Variants in ZBTB7C observed in about 807,000 individuals in gnomAD.
ZBTB7C encodes zinc finger and BTB domain containing 7C.
ZBTB7C carries 8 observed loss-of-function variants against 25.7 expected under a neutral mutation model. The observed-to-expected ratio is 0.31, with a 90% confidence interval of 0.18 to 0.56. The LOEUF (loss-of-function observed/expected upper bound fraction) is 0.56, where lower values mean the gene tolerates loss of function less well. ZBTB7C is among the 20% of genes least tolerant of loss of function. ZBTB7C has a pLI of 0.91. For missense variants in ZBTB7C, 824 were observed against 855.2 expected (o/e 0.96, Z 0.46); for synonymous variants, 394 against 369.0 (o/e 1.07, Z -0.78).
chr18:48,255,972 G>A (rs1002936061), intron 2 of ZBTB7C, among the ~76,000 whole-genome samples: 1 of 152,070 alleles, frequency 6.6e-6, no homozygotes, highest in Non-Finnish European at 1.5e-5. Context: ...AGAGAAAAAA[G>A]AATTGTAAAA....
chr18:48,035,343 G>A lies in ZBTB7C; in HGVS notation c.1208+4557C>T, dbSNP rs8089526. ...TGGGCCAGTCTGTTTTCATTTTGCA[G>A]TTTCTTGCCTTCACTACTGTCCCCA... On this transcript the variant is annotated intron_variant, in intron 4 of 4. Coordinates refer to ENST00000590800, the MANE Select transcript of ZBTB7C (RefSeq NM_001318841.2). Among the ~76,000 whole-genome samples the A allele has an allele frequency of 1.1e-3, 161 of 152,344 alleles. 1 individual carries two copies. Among genetic ancestry groups the A allele is most frequent in the African/African-American group, 3.6e-3 (150 of 41,572 alleles).
At chr18:48,189,645 C>T (rs746021047) in intron 2 of ZBTB7C, among the ~76,000 whole-genome samples, 2 of 152,182 alleles carry the variant, frequency 1.3e-5, no homozygotes, top group South Asian at 2.1e-4. Flanking sequence ...AGGTGCCCCT[C>T]GCCTTGGATA....
intron 3 of ZBTB7C, among the ~76,000 whole-genome samples, chr18:48,167,169 C>T (rs2041278167): frequency 6.6e-6 from 1 of 152,184 alleles, no homozygotes; most frequent in African/African-American, 2.4e-5. Flanking sequence ...GGGTTCCCGC[C>T]CACTCCTGAA....
At chr18:48,144,331 A>G (rs2040438484) in intron 3 of ZBTB7C, among the ~76,000 whole-genome samples, 1 of 152,132 alleles carries the variant, frequency 6.6e-6, no homozygotes, top group Admixed American at 6.5e-5. Flanking sequence ...ACAACTACAT[A>G]AACAAAACAT....
chr18:48,061,685 T>C (rs2037131925), intron 3 of ZBTB7C, among the ~76,000 whole-genome samples: 1 of 152,198 alleles, frequency 6.6e-6, no homozygotes, highest in Admixed American at 6.5e-5. Context: ...CCATGACATA[T>C]TTTCAGCTCC....
At chr18:48,367,202 T>TATATATATATACACACAC (rs1302394192) in intron 1 of ZBTB7C, among the ~76,000 whole-genome samples, 24 of 63,384 alleles carry the variant, frequency 3.8e-4, no homozygotes, top group Non-Finnish European at 6.3e-4. Flanking sequence ...TATATATATA[T>TATATATATATACACACAC]ACACACACAC....
chr18:48,284,209 C>T (rs944373208), intron 2 of ZBTB7C, among the ~76,000 whole-genome samples: 1 of 152,338 alleles, frequency 6.6e-6, no homozygotes, highest in East Asian at 1.9e-4. Flanking sequence ...TAATCCAGCA[C>T]TCTGGGAGGC....
At chr18:48,179,658 A>C (rs2041816962) in intron 3 of ZBTB7C, among the ~76,000 whole-genome samples, 1 of 149,510 alleles carries the variant, frequency 6.7e-6, no homozygotes, top group African/African-American at 2.5e-5. Context: ...TCGACTGCAA[A>C]GAAGATATTT....
intron 2 of ZBTB7C, among the ~76,000 whole-genome samples, chr18:48,235,182 G>A (rs1374834306): frequency 1.3e-5 from 2 of 152,006 alleles, no homozygotes; most frequent in Non-Finnish European, 2.9e-5. Context: ...GACTAATAGA[G>A]ATATACATTT....
At chr18:48,297,407 C>T (rs2045426139) in intron 2 of ZBTB7C, among the ~76,000 whole-genome samples, 1 of 152,160 alleles carries the variant, frequency 6.6e-6, no homozygotes, top group Admixed American at 6.5e-5. Context: ...TCTGGTCCCA[C>T]TCCCCACTGC....
chr18:48,215,356 C>T (rs745771011), intron 2 of ZBTB7C, among the ~76,000 whole-genome samples: 5 of 152,166 alleles, frequency 3.3e-5, no homozygotes, highest in Non-Finnish European at 5.9e-5. Context: ...CATGACACAG[C>T]CTCAGGAGGT....
chr18:48,333,501 G>A (rs1336380268), intron 2 of ZBTB7C, among the ~76,000 whole-genome samples: 1 of 152,118 alleles, frequency 6.6e-6, no homozygotes, highest in African/African-American at 2.4e-5. Flanking sequence ...AAGGTCTGGG[G>A]AACTTAAAAG....
chr18:48,357,777 G>A (rs1165010490), intron 1 of ZBTB7C, among the ~76,000 whole-genome samples: 1 of 152,194 alleles, frequency 6.6e-6, no homozygotes, highest in African/African-American at 2.4e-5. Flanking sequence ...CATGCTCATA[G>A]GACATGTCCA....
chr18:48,138,516 T>C (rs2040243069), intron 3 of ZBTB7C, among the ~76,000 whole-genome samples: 2 of 152,274 alleles, frequency 1.3e-5, no homozygotes, highest in South Asian at 4.2e-4. Context: ...AGAATGCATC[T>C]GTCAAACCCT....
At position 48,082,968 on chromosome 18, in the gene ZBTB7C, T is replaced by C. The variant is rs114611790; in HGVS notation, c.-16-41845A>G. Among the ~76,000 whole-genome samples the C allele has an allele frequency of 8.6e-3, 1,308 of 152,294 alleles. 17 individuals are homozygous for C. Among genetic ancestry groups the C allele is most frequent in the Middle Eastern group, 0.027 (8 of 294 alleles). On this transcript the variant is annotated intron_variant, in intron 3 of 4. Coordinates refer to ENST00000590800, the MANE Select transcript of ZBTB7C (RefSeq NM_001318841.2). ...TTGATTTTGGACAAGTGGCTTTCCC[T>C]CTCTGTACCTCAGTGTTCTTAAAAT...
chr18:48,049,230 TA>T (rs1344180563), intron 3 of ZBTB7C, among the ~76,000 whole-genome samples: 1 of 152,242 alleles, frequency 6.6e-6, no homozygotes, highest in Non-Finnish European at 1.5e-5. Context: ...GTTCTAGTCT[TA>T]GTTTTACTAG....
chr18:48,198,899 T>A (rs184991258), intron 2 of ZBTB7C, among the ~76,000 whole-genome samples: 3 of 152,358 alleles, frequency 2.0e-5, no homozygotes, highest in Admixed American at 2.0e-4. Context: ...GTGGCATGAA[T>A]GCTCCTCTGG....
chr18:48,031,530 A>AG (rs148693954), intron 4 of ZBTB7C, among the ~76,000 whole-genome samples: 4,533 of 152,300 alleles, frequency 0.03, 88 homozygotes, highest in African/African-American at 0.033. Context: ...ATTTTTGAGG[A>AG]GGAAGGGACT....
At chr18:48,379,556 T>C (rs2047591660) in intron 1 of ZBTB7C, among the ~76,000 whole-genome samples, 1 of 152,176 alleles carries the variant, frequency 6.6e-6, no homozygotes, top group Admixed American at 6.5e-5. Flanking sequence ...TTTTATCAGT[T>C]GTGCTTTTAT....
Sources: gnomAD v4.1 joint callset for allele counts (sites outside exome capture counted in the v4.1 genomes callset) on GRCh38, gnomAD v4.1.1 for gene constraint, MANE v1.5 for transcripts, NCBI Gene and HGNC (gene_info 2026-07-23, HGNC 2026-07-21) for gene names.